CDH9: variants seen among roughly 807,000 people sequenced by gnomAD.
CDH9 encodes the protein cadherin-9.
CDH9 carries 28 observed loss-of-function variants against 70.9 expected under a neutral mutation model. That is an observed-to-expected ratio of 0.40 (90% CI 0.29 to 0.54). CDH9 has a LOEUF of 0.54. Among genes scored for constraint, CDH9 ranks in the 20% least tolerant of loss-of-function variants. The probability of loss-of-function intolerance (pLI) is 0.59; values close to 1 mark genes in which losing one functional copy is unlikely to be tolerated. For missense variants in CDH9, 874 were observed against 984.4 expected (o/e 0.89, Z 1.50); for synonymous variants, 409 against 343.1 (o/e 1.19, Z -2.12).
chr5:26,909,630 C>T (rs1741013582), intron 3 of CDH9, among the ~76,000 whole-genome samples: 1 of 150,872 alleles, frequency 6.6e-6, no homozygotes, highest in South Asian at 2.1e-4. Flanking sequence ...TGGTGCGCTG[C>T]ACCCACTAAC....
chr5:26,906,274 G>T, intron 4 of CDH9, 148 bp from the exon 5 acceptor site: 1 of 647,128 alleles, frequency 1.5e-6, no homozygotes, highest in South Asian at 2.1e-5. Flanking sequence ...ACCACTTTAA[G>T]ATAATTCACA....
chr5:26,992,284 C>A (rs1356122881), intron 1 of CDH9, among the ~76,000 whole-genome samples: 1 of 151,942 alleles, frequency 6.6e-6, no homozygotes, highest in Non-Finnish European at 1.5e-5. Flanking sequence ...GTTGGGGGGC[C>A]CTGCTCAAGG....
intron 1 of CDH9, among the ~76,000 whole-genome samples, chr5:27,029,118 G>T (rs150550434): frequency 6.6e-6 from 1 of 151,936 alleles, no homozygotes; most frequent in African/African-American, 2.4e-5. Context: ...TACAAATCAT[G>T]GAAACTTTTT....
intron 2 of CDH9, among the ~76,000 whole-genome samples, chr5:26,957,617 A>G (rs1002100316): frequency 6.6e-6 from 1 of 152,100 alleles, no homozygotes; most frequent in African/African-American, 2.4e-5. Flanking sequence ...AGCTGAGATC[A>G]TGCCACTGCA....
intron 7 of CDH9, among the ~76,000 whole-genome samples, chr5:26,895,304 T>C (rs1176729613): frequency 6.6e-6 from 1 of 152,078 alleles, no homozygotes; most frequent in Non-Finnish European, 1.5e-5. Context: ...GAAAAAATAG[T>C]TCAAATCTTT....
At chr5:26,985,177 T>TC (rs1742468087) in intron 2 of CDH9, among the ~76,000 whole-genome samples, 1 of 152,112 alleles carries the variant, frequency 6.6e-6, no homozygotes, top group African/African-American at 2.4e-5. Flanking sequence ...TAGACCAGCC[T>TC]CTTTTTTTCT....
chr5:26,943,312 G>C (rs1192129317), intron 2 of CDH9, among the ~76,000 whole-genome samples: 1 of 151,968 alleles, frequency 6.6e-6, no homozygotes, highest in African/African-American at 2.4e-5. Context: ...GGGAGTTTGA[G>C]ACCAGCCTGA....
At chr5:26,947,440 A>G (rs1182166679) in intron 2 of CDH9, among the ~76,000 whole-genome samples, 1 of 152,198 alleles carries the variant, frequency 6.6e-6, no homozygotes, top group Non-Finnish European at 1.5e-5. Flanking sequence ...CATCCAAAAC[A>G]TACAGTCCGC....
chr5:27,028,796 C>A (rs1445864482), intron 1 of CDH9, among the ~76,000 whole-genome samples: 1 of 151,802 alleles, frequency 6.6e-6, no homozygotes, highest in East Asian at 1.9e-4. Context: ...TTGCCAAAAA[C>A]CAAAAACTTA....
At chr5:26,943,478 A>C (rs1478384291) in intron 2 of CDH9, among the ~76,000 whole-genome samples, 1 of 148,478 alleles carries the variant, frequency 6.7e-6, no homozygotes, top group Non-Finnish European at 1.5e-5. Flanking sequence ...ACGCCACTGC[A>C]CTCCAGTCTG....
At chr5:26,983,861 A>G (rs1395150326) in intron 2 of CDH9, among the ~76,000 whole-genome samples, 2 of 152,148 alleles carry the variant, frequency 1.3e-5, no homozygotes, top group Non-Finnish European at 2.9e-5. Flanking sequence ...TCAAACTGAC[A>G]TACCTGAAAA....
chr5:27,021,817 A>G (rs1443330235), intron 1 of CDH9, among the ~76,000 whole-genome samples: 1 of 151,980 alleles, frequency 6.6e-6, no homozygotes, highest in African/African-American at 2.4e-5. Flanking sequence ...TAATTTAATT[A>G]GTGAATAGAT....
At chr5:26,940,446 G>T (rs1741640602) in intron 2 of CDH9, among the ~76,000 whole-genome samples, 1 of 152,086 alleles carries the variant, frequency 6.6e-6, no homozygotes, top group African/African-American at 2.4e-5. Flanking sequence ...CTAGATATTT[G>T]AAGAATATGC....
intron 7 of CDH9, among the ~76,000 whole-genome samples, chr5:26,892,411 C>T (rs369095152): frequency 6.6e-6 from 1 of 152,232 alleles, no homozygotes; most frequent in South Asian, 2.1e-4. Context: ...GAATCCTATG[C>T]TGTAGCTCCA....
At chr5:26,909,242 CA>C (rs1415715649) in intron 3 of CDH9, among the ~76,000 whole-genome samples, 1 of 152,044 alleles carries the variant, frequency 6.6e-6, no homozygotes, top group Non-Finnish European at 1.5e-5. Context: ...CTTGGCCTCC[CA>C]AAGTGTTGGG....
intron 2 of CDH9, among the ~76,000 whole-genome samples, chr5:26,930,527 T>C (rs1442902887): frequency 6.6e-6 from 1 of 152,096 alleles, no homozygotes; most frequent in Non-Finnish European, 1.5e-5. Context: ...TGCATATAAG[T>C]GGACCTGCAC....
At chr5:26,893,228 T>G (rs1039848438) in intron 7 of CDH9, among the ~76,000 whole-genome samples, 1 of 152,218 alleles carries the variant, frequency 6.6e-6, no homozygotes, top group Non-Finnish European at 1.5e-5. Context: ...GATGCTTGCT[T>G]AATTTATTTT....
intron 2 of CDH9, among the ~76,000 whole-genome samples, chr5:26,920,853 C>T (rs1462606752): frequency 6.6e-6 from 1 of 152,156 alleles, no homozygotes; most frequent in Admixed American, 6.5e-5. Context: ...TTACAACACC[C>T]ATGTTCCTTC....
At chr5:26,929,369 C>A (rs777369131) in intron 2 of CDH9, among the ~76,000 whole-genome samples, 1 of 151,852 alleles carries the variant, frequency 6.6e-6, no homozygotes, top group Non-Finnish European at 1.5e-5. Flanking sequence ...CAGGAAAAGA[C>A]ACGCCTTGTA....
Sources: allele counts gnomAD v4.1 joint callset (sites outside exome capture counted in the v4.1 genomes callset), GRCh38; gene constraint gnomAD v4.1.1; transcripts MANE v1.5; gene names NCBI Gene and HGNC (gene_info 2026-07-23, HGNC 2026-07-21).